NR3C2: variants seen among roughly 807,000 people sequenced by gnomAD.
NR3C2 encodes nuclear receptor subfamily 3 group C member 2.
A neutral mutation model predicts 86.4 loss-of-function variants in NR3C2; 15 were observed. The observed-to-expected ratio is 0.17, with a 90% CI of 0.12 to 0.27. The LOEUF is 0.27. Ranked by LOEUF, NR3C2 falls within the 10% of genes least tolerant of loss-of-function variation. The pLI is 1.00. For synonymous variants in NR3C2, 458 were observed against 450.5 expected (o/e 1.02, Z -0.21); for missense variants, 960 against 1,195.6 (o/e 0.80, Z 2.91).
chr4:148,437,749 T>G (rs1259239724), intron 1 of NR3C2, among the ~76,000 whole-genome samples: 2 of 152,168 alleles, frequency 1.3e-5, no homozygotes, highest in African/African-American at 2.4e-5. Context: ...CATTCATTCA[T>G]TCATTCAACA....
At position 148,259,930 on chromosome 4, in the gene NR3C2, A is replaced by G. The variant is rs754265521; in HGVS notation, c.1897+48T>C. 5.0e-6 allele frequency: 8 copies of G among 1,611,376 alleles called. No homozygotes were observed. The Admixed American group carries it at 1.2e-4, about 23-fold the overall frequency. The stretch of plus-strand genomic sequence containing the variant: ...ATAGCATTAGCTGTACAAGTAAACT[A>G]CACACTAGGAAAAAATATGTAAAAG... On this transcript the variant is annotated intron_variant, in intron 3 of 8. Coordinates refer to ENST00000358102, the MANE Select transcript of NR3C2 (RefSeq NM_000901.5).
At chr4:148,183,271 G>A (rs1186293741) in intron 4 of NR3C2, among the ~76,000 whole-genome samples, 16 of 152,266 alleles carry the variant, frequency 1.1e-4, no homozygotes, top group South Asian at 8.3e-4. Context: ...GAATAGTGCC[G>A]CAATAAACAT....
At chr4:148,262,928 C>T (rs1740197589) in intron 2 of NR3C2, among the ~76,000 whole-genome samples, 1 of 152,152 alleles carries the variant, frequency 6.6e-6, no homozygotes, top group African/African-American at 2.4e-5. Flanking sequence ...AATCTCCAAA[C>T]ACTCCTCCAG....
intron 3 of NR3C2, among the ~76,000 whole-genome samples, chr4:148,242,123 G>A (rs1048938173): frequency 6.6e-6 from 1 of 152,162 alleles, no homozygotes; most frequent in African/African-American, 2.4e-5. Context: ...GAGATGGATG[G>A]TGGTGATATG....
chr4:148,283,736 C>G (rs1202517480), intron 2 of NR3C2, among the ~76,000 whole-genome samples: 1 of 152,204 alleles, frequency 6.6e-6, no homozygotes, highest in African/African-American at 2.4e-5. Flanking sequence ...AATAACATAA[C>G]TCATTACTTG....
At chr4:148,272,165 A>C (rs1340405254) in intron 2 of NR3C2, among the ~76,000 whole-genome samples, 2 of 152,186 alleles carry the variant, frequency 1.3e-5, no homozygotes, top group Non-Finnish European at 2.9e-5. Context: ...AGGGAATAGC[A>C]AGGGGTGGTG....
At chr4:148,282,353 T>C (rs10011595) in intron 2 of NR3C2, among the ~76,000 whole-genome samples, 2,533 of 152,288 alleles carry the variant, frequency 0.017, 62 homozygotes, top group African/African-American at 0.056. Flanking sequence ...GTATCTCTTA[T>C]AGATTATTTA....
rs186443555 is a variant in NR3C2 at position 148,154,291 on chromosome 4, T to C, written c.2365+260A>G. On this transcript the variant is annotated intron_variant, in intron 5 of 8. Coordinates refer to ENST00000358102, the MANE Select transcript of NR3C2 (RefSeq NM_000901.5). ...CACCTGCCTTGGCCTCCCAAAGTGC[T>C]GGGATTACAGGCGTGAGCCACTGCG... 2.6e-3 allele frequency among the ~76,000 whole-genome samples: 399 copies of C among 152,346 alleles called. 12 individuals carry two copies. In the South Asian group the frequency reaches 0.051, roughly 20 times the overall value.
chr4:148,328,391 T>A (rs1468061647), intron 2 of NR3C2, among the ~76,000 whole-genome samples: 1 of 152,162 alleles, frequency 6.6e-6, no homozygotes, highest in Non-Finnish European at 1.5e-5. Flanking sequence ...AAATTCTCAT[T>A]CTTACAAGGT....
chr4:148,236,412 G>T (rs1253065803), intron 3 of NR3C2, among the ~76,000 whole-genome samples: 2 of 152,058 alleles, frequency 1.3e-5, no homozygotes, highest in Admixed American at 6.6e-5. Context: ...AATCCTATAT[G>T]CTTTTCATAT....
At chr4:148,417,763 G>C (rs1202222875) in intron 2 of NR3C2, among the ~76,000 whole-genome samples, 1 of 152,152 alleles carries the variant, frequency 6.6e-6, no homozygotes, top group Non-Finnish European at 1.5e-5. Flanking sequence ...AAAATGAGCA[G>C]ATTTTTCATA....
chr4:148,207,425 GGCTTTAAACA>G (rs759015661), intron 3 of NR3C2, among the ~76,000 whole-genome samples: 128 of 152,228 alleles, frequency 8.4e-4, no homozygotes, highest in Non-Finnish European at 1.1e-3. Flanking sequence ...TTTCTAAGAA[GGCTTTAAACA>G]TATGTTTTAA....
At chr4:148,136,054 C>A in intron 6 of NR3C2, among the ~76,000 whole-genome samples, 1 of 24,566 alleles carries the variant, frequency 4.1e-5, no homozygotes, top group Non-Finnish European at 6.2e-5. Context: ...GAGACTCCGT[C>A]TCAAAAAAAA....
intron 3 of NR3C2, among the ~76,000 whole-genome samples, chr4:148,196,772 A>G (rs868066248): frequency 2.6e-4 from 39 of 152,244 alleles, no homozygotes; most frequent in African/African-American, 8.9e-4. Flanking sequence ...CCCTGCCATT[A>G]TAATAATCTA....
intron 5 of NR3C2, among the ~76,000 whole-genome samples, chr4:148,154,304 G>A (rs538915273): frequency 1.7e-3 from 254 of 152,280 alleles, no homozygotes; most frequent in African/African-American, 5.2e-3. Context: ...GATTACAGGC[G>A]TGAGCCACTG....
chr4:148,305,819 T>C (rs1385441500), intron 2 of NR3C2, among the ~76,000 whole-genome samples: 2 of 152,242 alleles, frequency 1.3e-5, no homozygotes, highest in Non-Finnish European at 2.9e-5. Context: ...CTCTCAGGAA[T>C]AAGCATGTTT....
intron 2 of NR3C2, among the ~76,000 whole-genome samples, chr4:148,313,550 T>A (rs1349681124): frequency 1.3e-5 from 2 of 152,170 alleles, no homozygotes; most frequent in Admixed American, 1.3e-4. Flanking sequence ...AGGTAGATAT[T>A]ATCGGTCGTG....
chr4:148,180,007 T>C (rs1735568719), intron 4 of NR3C2, among the ~76,000 whole-genome samples: 1 of 151,846 alleles, frequency 6.6e-6, no homozygotes, highest in Non-Finnish European at 1.5e-5. Flanking sequence ...ATCTGAGGAA[T>C]AGTATCTCTT....
In NR3C2 at chr4:148,215,174, A is replaced by C. The variant is rs544582313; in HGVS notation, c.1898-20312T>G. 3.9e-4 allele frequency among the ~76,000 whole-genome samples: 60 copies of C among 152,348 alleles called. 1 individual carries two copies. In the South Asian group the frequency reaches 0.012, roughly 29 times the overall value. ...GTCTGTTCGGGGTATGAAAAGGGAA[A>C]ACAAGGCATCCAGAATACAGGCATG... On this transcript the variant is annotated intron_variant, in intron 3 of 8. Transcript: ENST00000358102.
Sources: gnomAD v4.1 joint callset for allele counts (sites outside exome capture counted in the v4.1 genomes callset) on GRCh38, gnomAD v4.1.1 for gene constraint, MANE v1.5 for transcripts, NCBI Gene and HGNC (gene_info 2026-07-23, HGNC 2026-07-21) for gene names.